NCL: variants seen among roughly 807,000 people sequenced by gnomAD.
The protein encoded by NCL is nucleolin multifunctional protein.
A neutral mutation model predicts 77.7 loss-of-function variants in NCL; 4 were observed. The observed-to-expected ratio is 0.05, with a 90% CI of 0.03 to 0.12. The LOEUF (loss-of-function observed/expected upper bound fraction) is 0.12. Among genes scored for constraint, NCL ranks in the 10% least tolerant of loss-of-function variants. The probability of loss-of-function intolerance (pLI) is 1.00; values close to 1 mark genes in which losing one functional copy is unlikely to be tolerated. For missense variants in NCL, 763 were observed against 860.9 expected (o/e 0.89, Z 1.42); for synonymous variants, 344 against 297.8 (o/e 1.16, Z -1.60).
At chr2:231,463,050 C>T (rs2046966932) in intron 2 of NCL, 150 bp downstream of exon 2, 1 of 636,452 alleles carries the variant, frequency 1.6e-6, no homozygotes, top group Non-Finnish European at 2.7e-6. Flanking sequence ...GACATCTTGA[C>T]ATGTCAATGA....
intron 2 of NCL, among the ~76,000 whole-genome samples, chr2:231,462,750 A>G (rs1183777238): frequency 6.6e-6 from 1 of 151,908 alleles, no homozygotes; most frequent in Admixed American, 6.6e-5. Context: ...GGCAGCCCTC[A>G]GTCTACACCA....
Position 231,460,242 on chromosome 2 carries a change from T to A in NCL, c.950A>T (p.Asn317Ile). 6.2e-7 allele frequency: 1 copy of A among 1,614,078 alleles called. No individual in the cohort carries two copies. The highest frequency in any genetic ancestry group is 1.1e-5 in the South Asian group (1 of 91,022). ...AGTTTTTAATTCAGGAGCAGATTTG[T>A]TAAAGTTTAGGTTTCCAACAAAGAG... is the stretch of plus-strand genomic sequence containing the variant. ...FNLFVGNLNF[N>I]KSAPELKTGI... The change falls in exon 6 of 14, where the codon AAC (asparagine) becomes ATC (isoleucine). Residue 317 changes from asparagine (N) to isoleucine (I), a missense_variant. Around this residue, in one of 2 missense-constraint regions of NCL, gnomAD observed 590 missense variants for 570.5 expected, o/e 1.03. Coordinates refer to ENST00000322723, the MANE Select transcript of NCL (RefSeq NM_005381.3).
chr2:231,457,226 AATATAC>A (rs2046899538), intron 9 of NCL, 102 bp from the exon 10 acceptor site: 1 of 1,473,506 alleles, frequency 6.8e-7, no homozygotes, highest in Non-Finnish European at 9.5e-7. Flanking sequence ...TGCTTGAGTT[AATATAC>A]AAATACTCAT....
At chr2:231,455,373 G>A (rs773767910) in intron 13 of NCL, 28 bp downstream of exon 13, 4 of 1,613,576 alleles carry the variant, frequency 2.5e-6, no homozygotes, top group Non-Finnish European at 3.4e-6. Context: ...CACATGCTAT[G>A]TGGTGTCATT....
chr2:231,457,090 G>A lies in NCL; in HGVS notation c.1482C>T (p.Ser494=). The A allele has an allele frequency of 6.2e-7, 1 of 1,614,012 alleles. No homozygotes were observed. Among genetic ancestry groups the A allele is most frequent in the East Asian group, 2.2e-5 (1 of 44,872 alleles). Residue 494 remains serine, a synonymous_variant, in exon 10 of 14, where the codon TCC becomes TCT. Transcript: ENST00000322723. ...ESKTLVLSNL[S]YSATEETLQE... ...GAAGAGTTTCTTCTGTTGCACTGTAGGAGAGGTTGCTTAAAACCAGAGTTT... is the reference window on the plus strand; with the variant it reads ...GAAGAGTTTCTTCTGTTGCACTGTAAGAGAGGTTGCTTAAAACCAGAGTTT...
rs1194202609 is a variant in NCL, at chr2:231,460,215, C to G, written c.977G>C (p.Gly326Ala). The change falls in exon 6 of 14, where the codon GGT becomes GCT. Residue 326 changes from glycine (G) to alanine (A), a missense_variant. By Grantham distance (60) the Gly-to-Ala change is moderately conservative. Coordinates refer to ENST00000322723, the MANE Select transcript of NCL (RefSeq NM_005381.3). ...ATTTTTAGCAAAAACATCGCTGATA[C>G]CAGTTTTTAATTCAGGAGCAGATTT... ...FNKSAPELKT[G>A]ISDVFAKNDL... 1.2e-6 allele frequency: 2 copies of G among 1,613,942 alleles called. No individual in the cohort carries two copies. The highest frequency in any genetic ancestry group is 1.3e-5 in the African/African-American group (1 of 74,906).
chr2:231,460,308 C>A lies in NCL; in HGVS notation c.899-15G>T, dbSNP rs199987398. The A allele has an allele frequency of 1.3e-4, 205 of 1,613,866 alleles. No homozygotes were observed. In the Admixed American group the frequency reaches 1.3e-3, roughly 11 times the overall value. ...CGGTTCTGTGCCTGCACAAAAAAAG[C>A]TCAACTCAGTCTACTTGTAGTGTGG... On this transcript the variant is annotated splice_polypyrimidine_tract_variant and intron_variant, in intron 5 of 13. Coordinates refer to ENST00000322723, the MANE Select transcript of NCL (RefSeq NM_005381.3).
intron 9 of NCL, 103 bp from the exon 10 acceptor site, chr2:231,457,227 A>AT: frequency 6.8e-7 from 1 of 1,476,918 alleles, no homozygotes; most frequent in Non-Finnish European, 9.5e-7. Context: ...GCTTGAGTTA[A>AT]TATACAAATA....
Position 231,463,191 on chromosome 2 carries a change from T to TA in NCL, c.135+8dup. The TA allele has an allele frequency of 6.4e-7, 1 of 1,558,030 alleles. No homozygotes were observed. The highest frequency in any genetic ancestry group is 8.7e-7 in the Non-Finnish European group (1 of 1,143,684). ...TAACATAATTCTGCATTAAGTTGGA[T>TA]AAAATTACCTCTTCTCCACTGCTAT... On this transcript the variant is annotated intron_variant, in intron 2 of 13. Coordinates refer to ENST00000322723, the MANE Select transcript of NCL (RefSeq NM_005381.3).
intron 9 of NCL, chr2:231,457,402 A>G (rs1458986647): frequency 2.7e-6 from 2 of 748,698 alleles, no homozygotes; most frequent in South Asian, 3.0e-5. Flanking sequence ...AGTATAAAAC[A>G]TGCCTACAAA....
At chr2:231,458,575 G>T in intron 7 of NCL, 186 bp from the exon 8 acceptor site, 1 of 720,306 alleles carries the variant, frequency 1.4e-6, no homozygotes, top group Non-Finnish European at 2.2e-6. Context: ...CCTCCATGTT[G>T]TCACAGCTGA....
chr2:231,457,688 C>T lies in NCL; in HGVS notation c.1402G>A (p.Gly468Ser). Reference protein sequence around the residue: ...SISLYYTGEKGQNQDYRGGKN... With the variant: ...SISLYYTGEKSQNQDYRGGKN... Reference sequence around the variant, plus strand: ...CCACCTCTATAGTCTTGATTTTGACCTTTCTCTCCAGTATAGTACAGGGAA... The same window carrying T: ...CCACCTCTATAGTCTTGATTTTGACTTTTCTCTCCAGTATAGTACAGGGAA... The change falls in exon 9 of 14, where the codon GGT (glycine) becomes AGT (serine). Residue 468 changes from glycine (G) to serine (S), a missense_variant. Transcript: ENST00000322723. 6.2e-7 allele frequency: 1 copy of T among 1,611,616 alleles called. No homozygotes were observed. Among genetic ancestry groups the T allele is most frequent in the Non-Finnish European group, 8.5e-7 (1 of 1,178,656 alleles).
chr2:231,461,887 G>A lies in NCL; in HGVS notation c.266C>T (p.Ala89Val), dbSNP rs1221578898. The change falls in exon 3 of 14, where the codon GCA (alanine) becomes GTA (valine). Residue 89 changes from alanine (A) to valine (V), a missense_variant. Around this residue, in one of 2 missense-constraint regions of NCL, gnomAD observed 590 missense variants for 570.5 expected, o/e 1.03. Transcript: ENST00000322723. ...TGTCTTCTTGGCAGGTGTTGCTGCTGCCTTTTTGCCTGGAGTGACAGCTGC... is the reference window on the plus strand; with the variant it reads ...TGTCTTCTTGGCAGGTGTTGCTGCTACCTTTTTGCCTGGAGTGACAGCTGC... ...KKAAVTPGKK[A>V]AATPAKKTVT... The A allele has an allele frequency of 4.3e-6, 7 of 1,614,238 alleles. No individual in the cohort carries two copies. Among genetic ancestry groups the A allele is most frequent in the Middle Eastern group, 1.6e-4 (1 of 6,062 alleles).
rs79384181 is a variant in NCL, at chr2:231,458,451, C to G, written c.1166-62G>C. The G allele has an allele frequency of 2.4e-3, 3,802 of 1,572,466 alleles. 81 individuals carry two copies. In the African/African-American group the frequency reaches 0.046, roughly 19 times the overall value. On this transcript the variant is annotated intron_variant, in intron 7 of 13. Coordinates refer to ENST00000322723, the MANE Select transcript of NCL (RefSeq NM_005381.3). ...AAAAACCAAAGGTGGGGGGCAACAACAAAAAGAGGGGAAAAACACACATAG... is the reference window on the plus strand; with the variant it reads ...AAAAACCAAAGGTGGGGGGCAACAAGAAAAAGAGGGGAAAAACACACATAG...
chr2:231,462,504 T>A (rs1559542939), intron 2 of NCL: 1 of 499,918 alleles, frequency 2.0e-6, no homozygotes, highest in South Asian at 1.5e-5. Flanking sequence ...AGGCTAAATA[T>A]AAATATTCCT....
At position 231,461,473 on chromosome 2, in the gene NCL, T is replaced by C. The variant is rs2046949843; in HGVS notation, c.613+67A>G. ...TCTCCAGGTTGTCGTGGAAGGAATA[T>C]GTTGATCCCAGAATCTCAAGATACC... On this transcript the variant is annotated intron_variant, in intron 3 of 13. Transcript: ENST00000322723. The C allele has an allele frequency of 7.0e-6, 11 of 1,567,402 alleles. No homozygotes were observed. The Admixed American group carries it at 1.2e-4, about 17-fold the overall frequency.
rs770386939 is a variant in NCL, at chr2:231,454,336, G to A, written c.*855C>T. On this transcript the variant is annotated 3_prime_UTR_variant, in exon 14 of 14. Transcript: ENST00000322723. ...AATTTTTGTATTTTTAGTAGAGATGGGCTTTCACCATGTTGGCCAGGCTGG... is the reference window on the plus strand; with the variant it reads ...AATTTTTGTATTTTTAGTAGAGATGAGCTTTCACCATGTTGGCCAGGCTGG... The A allele has an allele frequency of 1.3e-5, 2 of 148,640 alleles. No homozygotes were observed. The highest frequency in any genetic ancestry group is 3.0e-5 in the Non-Finnish European group (2 of 66,754). 9.2% of individuals were successfully genotyped at this position (148,640 alleles called of 1,614,324 possible).
At chr2:231,462,902 G>T in intron 2 of NCL, 1 of 353,816 alleles carries the variant, frequency 2.8e-6, no homozygotes, top group Non-Finnish European at 5.3e-6. Context: ...CTCTACATGT[G>T]GGGGTGAGGC....
In NCL at chr2:231,460,181, A is replaced by G. The variant is rs1460897205; in HGVS notation, c.1011T>C (p.Ala337=). The change falls in exon 6 of 14, where the codon GCT becomes GCC. Residue 337 remains alanine, a synonymous_variant. Coordinates refer to ENST00000322723, the MANE Select transcript of NCL (RefSeq NM_005381.3). ...TCATACCAATTCTGACATCCACAAC[A>G]GCAAGATCATTTTTAGCAAAAACAT... is the stretch of plus-strand genomic sequence containing the variant. ...ISDVFAKNDL[A]VVDVRIGMTR... 6.2e-7 allele frequency: 1 copy of G among 1,613,852 alleles called. No homozygotes were observed. Among genetic ancestry groups the G allele is most frequent in the Non-Finnish European group, 8.5e-7 (1 of 1,180,018 alleles).
Sources: gnomAD v4.1 joint callset for allele counts (sites outside exome capture counted in the v4.1 genomes callset) on GRCh38, gnomAD v4.1.1 for gene constraint, gnomAD v4.1.1 regional missense constraint, MANE v1.5 for transcripts, NCBI Gene and HGNC (gene_info 2026-07-23, HGNC 2026-07-21) for gene names.